SHISA9: variants seen among roughly 807,000 people sequenced by gnomAD.
SHISA9 encodes the protein shisa family member 9.
A neutral mutation model predicts 38.0 loss-of-function variants in SHISA9; 13 were observed. The ratio of observed to expected loss-of-function variants is 0.34; its 90% confidence interval spans 0.22 to 0.54. The LOEUF (loss-of-function observed/expected upper bound fraction) is 0.54, where lower values mean the gene tolerates loss of function less well. Among genes scored for constraint, SHISA9 ranks in the 20% least tolerant of loss-of-function variants. The pLI is 0.91. For synonymous variants in SHISA9, 275 were observed against 242.0 expected (o/e 1.14, Z -1.27); for missense variants, 538 against 575.8 (o/e 0.93, Z 0.67).
the SHISA9 span, among the ~76,000 whole-genome samples, chr16:13,320,292 C>CAAAAAAAAAAAAA: frequency 5.1e-5 from 2 of 38,978 alleles, no homozygotes; most frequent in African/African-American, 1.2e-4. Context: ...GACTCTGTCT[C>CAAAAAAAAAAAAA]AAAAAAAAAA....
At chr16:12,989,535 C>T (rs867872920) in intron 2 of SHISA9, among the ~76,000 whole-genome samples, 26 of 151,992 alleles carry the variant, frequency 1.7e-4, no homozygotes, top group African/African-American at 5.3e-4. Context: ...TTCTTTTCAG[C>T]CATTGACATG....
At chr16:13,410,607 C>CA in the SHISA9 span, among the ~76,000 whole-genome samples, 47 of 150,236 alleles carry the variant, frequency 3.1e-4, no homozygotes, top group East Asian at 1.7e-3. Flanking sequence ...ATGCCAAAAA[C>CA]AAAAAAAAAG....
the SHISA9 span, among the ~76,000 whole-genome samples, chr16:13,453,415 C>T: frequency 2.0e-5 from 3 of 152,186 alleles, no homozygotes; most frequent in African/African-American, 4.8e-5. Flanking sequence ...TCACAAACTT[C>T]ATACAAAAGC....
intron 4 of SHISA9, among the ~76,000 whole-genome samples, chr16:13,234,763 G>A (rs899448395): frequency 4.6e-5 from 7 of 152,154 alleles, no homozygotes; most frequent in African/African-American, 1.4e-4. Context: ...GACTGTGGGG[G>A]GAGAAGTGTT....
rs565461301 is a variant in SHISA9 at position 12,916,803 on chromosome 16, A to G, written c.679A>G (p.Ile227Val). The part of the protein sequence containing the change: ...HYENMDTRTP[I>V]NNLHATQMNN... ...TGAGAACATGGACACGAGAACCCCC[A>G]TAAATAATCTTCGTAAGTACAGCTG... The change falls in exon 2 of 5, where the codon ATA becomes GTA. Residue 227 changes from isoleucine to valine, a missense_variant. By Grantham distance (29) the Ile-to-Val change is conservative (BLOSUM62 3). This residue lies in a region of SHISA9 where 326 missense variants were observed against 305.9 expected (regional missense o/e 1.07). Transcript: ENST00000558583. 26 of 1,551,764 alleles carry G rather than the reference A, an allele frequency of 1.7e-5. No homozygotes were observed. The East Asian group carries it at 1.7e-4, about 10-fold the overall frequency.
At chr16:12,975,120 C>T (rs2072139505) in intron 2 of SHISA9, among the ~76,000 whole-genome samples, 1 of 152,158 alleles carries the variant, frequency 6.6e-6, no homozygotes, top group African/African-American at 2.4e-5. Flanking sequence ...TCTTGAGGGG[C>T]TTTTGTTTAA....
At chr16:13,550,438 C>CA in the SHISA9 span, among the ~76,000 whole-genome samples, 1 of 152,170 alleles carries the variant, frequency 6.6e-6, no homozygotes, top group African/African-American at 2.4e-5. Context: ...CCGGAACCAG[C>CA]AAAATGTCCT....
the SHISA9 span, among the ~76,000 whole-genome samples, chr16:13,528,015 G>A: frequency 2.6e-5 from 4 of 152,108 alleles, no homozygotes; most frequent in Non-Finnish European, 4.4e-5. Flanking sequence ...GCGAACCACA[G>A]GCTTTTCATT....
chr16:12,992,143 G>T (rs893031473), intron 2 of SHISA9, among the ~76,000 whole-genome samples: 7 of 152,078 alleles, frequency 4.6e-5, no homozygotes, highest in African/African-American at 1.7e-4. Context: ...TAAATTTGAT[G>T]ATAAGTTTAA....
At chr16:13,413,225 A>C in the SHISA9 span, among the ~76,000 whole-genome samples, 2 of 152,182 alleles carry the variant, frequency 1.3e-5, no homozygotes, top group African/African-American at 4.8e-5. Flanking sequence ...CTTGGAGAAA[A>C]ATTCTATGAT....
At chr16:13,459,321 C>T in the SHISA9 span, among the ~76,000 whole-genome samples, 1 of 152,068 alleles carries the variant, frequency 6.6e-6, no homozygotes, top group African/African-American at 2.4e-5. Flanking sequence ...TTCACTCTTC[C>T]TCTGGTGACA....
At chr16:13,070,038 G>T (rs980189739) in intron 2 of SHISA9, among the ~76,000 whole-genome samples, 5 of 152,080 alleles carry the variant, frequency 3.3e-5, no homozygotes, top group African/African-American at 4.8e-5. Context: ...AAGAGAAAGG[G>T]TGTCACTTGG....
chr16:13,560,533 C>T, the SHISA9 span, among the ~76,000 whole-genome samples: 7 of 152,126 alleles, frequency 4.6e-5, no homozygotes, highest in African/African-American at 7.2e-5. Context: ...ACACCTCCAA[C>T]GAACTTCCAA....
chr16:13,417,413 C>T, the SHISA9 span, among the ~76,000 whole-genome samples: 2 of 152,042 alleles, frequency 1.3e-5, no homozygotes, highest in Non-Finnish European at 2.9e-5. Flanking sequence ...TGAATCTGTC[C>T]ACTAAAGGAG....
the SHISA9 span, among the ~76,000 whole-genome samples, chr16:13,357,073 TAG>T: frequency 6.6e-5 from 10 of 151,510 alleles, no homozygotes; most frequent in Non-Finnish European, 1.2e-4. Context: ...CAGAAAACAG[TAG>T]AGACACGGAG....
chr16:13,389,076 A>T, the SHISA9 span, among the ~76,000 whole-genome samples: 1 of 152,134 alleles, frequency 6.6e-6, no homozygotes, highest in Non-Finnish European at 1.5e-5. Flanking sequence ...ACCTACATTG[A>T]CACATCCCTG....
chr16:13,427,569 T>C, the SHISA9 span, among the ~76,000 whole-genome samples: 1 of 152,058 alleles, frequency 6.6e-6, no homozygotes, highest in Non-Finnish European at 1.5e-5. Flanking sequence ...AGTTGAATGA[T>C]GAAAGACAGG....
intron 2 of SHISA9, among the ~76,000 whole-genome samples, chr16:13,049,187 TGTG>T (rs1567195043): frequency 1.7e-4 from 25 of 149,952 alleles, no homozygotes; most frequent in Admixed American, 5.3e-4. Context: ...TGTGTGTGTG[TGTG>T]TGTGTGTGTG....
At chr16:12,998,674 G>T (rs975810153) in intron 2 of SHISA9, among the ~76,000 whole-genome samples, 1 of 152,122 alleles carries the variant, frequency 6.6e-6, no homozygotes, top group African/African-American at 2.4e-5. Flanking sequence ...AGGATTACAG[G>T]CATGGGCCCC....
Sources: allele counts gnomAD v4.1 joint callset (sites outside exome capture counted in the v4.1 genomes callset), GRCh38; gene constraint gnomAD v4.1.1; regional missense constraint gnomAD v4.1.1; transcripts MANE v1.5; gene names NCBI Gene and HGNC (gene_info 2026-07-23, HGNC 2026-07-21).